The following CCBE1 variants were observed in gnomAD, a reference collection of about 807,000 sequenced individuals.
The protein encoded by CCBE1 is collagen and calcium binding EGF domains 1, also known as collagen and calcium-binding EGF domain-containing protein 1.
In CCBE1, 37 loss-of-function variants were observed where a neutral mutation model predicts 50.0. The ratio of observed to expected loss-of-function variants is 0.74; its 90% CI spans 0.57 to 0.97. The LOEUF is 0.97. CCBE1 is among the 50% of genes least tolerant of loss of function. The pLI, the probability that CCBE1 is intolerant of heterozygous loss-of-function variation, is 0.00. For missense variants in CCBE1, 538 were observed against 523.8 expected (o/e 1.03, Z -0.26); for synonymous variants, 234 against 203.7 (o/e 1.15, Z -1.27).
chr18:59,523,158 C>T (rs1914679316), intron 2 of CCBE1, among the ~76,000 whole-genome samples: 1 of 151,698 alleles, frequency 6.6e-6, no homozygotes, highest in Non-Finnish European at 1.5e-5. Context: ...ATGATGTAAG[C>T]GTGTGTATCC....
At chr18:59,452,495 G>A (rs1290402930) in intron 6 of CCBE1, among the ~76,000 whole-genome samples, 1 of 152,180 alleles carries the variant, frequency 6.6e-6, no homozygotes, top group African/African-American at 2.4e-5. Context: ...CCGGGAGGCT[G>A]AGGCAGAGAA....
chr18:59,548,803 C>T (rs1374179123), intron 2 of CCBE1, among the ~76,000 whole-genome samples: 1 of 151,982 alleles, frequency 6.6e-6, no homozygotes, highest in East Asian at 1.9e-4. Flanking sequence ...GGCTACAAAC[C>T]TGTACATGTG....
chr18:59,543,010 A>G (rs909689449), intron 2 of CCBE1, among the ~76,000 whole-genome samples: 1 of 152,210 alleles, frequency 6.6e-6, no homozygotes, highest in Non-Finnish European at 1.5e-5. Context: ...AAAAATTCTT[A>G]AAAATTTTTA....
intron 2 of CCBE1, 41 bp downstream of exon 2, chr18:59,696,588 G>C (rs1237889986): frequency 2.5e-6 from 4 of 1,611,552 alleles, no homozygotes; most frequent in Non-Finnish European, 2.5e-6. Context: ...AGCCAGCCCC[G>C]GTGCGCAGTG....
At chr18:59,493,121 G>A (rs1913187667) in intron 2 of CCBE1, among the ~76,000 whole-genome samples, 1 of 152,206 alleles carries the variant, frequency 6.6e-6, no homozygotes, top group Non-Finnish European at 1.5e-5. Flanking sequence ...TCAGTCACTT[G>A]AGAAATTAAT....
intron 2 of CCBE1, among the ~76,000 whole-genome samples, chr18:59,674,926 C>G (rs960569099): frequency 6.6e-6 from 1 of 151,852 alleles, no homozygotes; most frequent in African/African-American, 2.4e-5. Flanking sequence ...TAAACAATTC[C>G]TGGGCAAATC....
At chr18:59,446,678 T>C (rs1340619803) in intron 7 of CCBE1, among the ~76,000 whole-genome samples, 8 of 152,220 alleles carry the variant, frequency 5.3e-5, no homozygotes, top group Admixed American at 3.9e-4. Flanking sequence ...TCCTTCCTCC[T>C]TGGGCAAATT....
At chr18:59,629,297 G>A (rs2053824140) in intron 2 of CCBE1, among the ~76,000 whole-genome samples, 1 of 152,084 alleles carries the variant, frequency 6.6e-6, no homozygotes, top group Admixed American at 6.5e-5. Flanking sequence ...TCTCTTTCTG[G>A]TCTTTGCTCA....
At position 59,696,695 on chromosome 18, in the gene CCBE1, T is replaced by A. The variant is rs771851899; in HGVS notation, c.146A>T (p.Glu49Val). The change falls in exon 2 of 11, where the codon GAG (glutamate) becomes GTG (valine). Residue 49 changes from glutamate (E) to valine (V), a missense_variant. By Grantham distance (121) the Glu-to-Val change is moderately radical. Coordinates refer to ENST00000439986, the MANE Select transcript of CCBE1 (RefSeq NM_133459.4). ...PEDGDREICS[E>V]SKIATTKYPC... ...GTATTTAGTCGTCGCGATTTTGCTCTCTGAGCAGATTTCTCTATGAAAAAG... is the reference window on the plus strand; with the variant it reads ...GTATTTAGTCGTCGCGATTTTGCTCACTGAGCAGATTTCTCTATGAAAAAG... 5.0e-6 allele frequency: 8 copies of A among 1,613,986 alleles called. No homozygotes were observed. Among genetic ancestry groups the A allele is most frequent in the Non-Finnish European group, 6.8e-6 (8 of 1,179,890 alleles).
At chr18:59,518,681 G>T (rs11877975) in intron 2 of CCBE1, among the ~76,000 whole-genome samples, 119 of 152,292 alleles carry the variant, frequency 7.8e-4, no homozygotes, top group African/African-American at 2.8e-3. Context: ...GGAGATGCTT[G>T]CAGCAGACAC....
intron 4 of CCBE1, 149 bp from the exon 5 acceptor site, chr18:59,467,040 T>C (rs1476020748): frequency 5.7e-6 from 4 of 700,406 alleles, no homozygotes; most frequent in East Asian, 5.4e-5. Flanking sequence ...AGTAGGGAGC[T>C]AGAAATGTGG....
chr18:59,625,740 G>A (rs2053774934), intron 2 of CCBE1, among the ~76,000 whole-genome samples: 1 of 152,052 alleles, frequency 6.6e-6, no homozygotes, highest in South Asian at 2.1e-4. Flanking sequence ...CTAGGTAACT[G>A]CTATGGTCTG....
chr18:59,503,869 C>T (rs573226874), intron 2 of CCBE1, among the ~76,000 whole-genome samples: 1 of 152,298 alleles, frequency 6.6e-6, no homozygotes, highest in African/African-American at 2.4e-5. Context: ...CCCTCATCTT[C>T]ACACCTTACT....
chr18:59,466,677 G>A (rs1251329463), intron 5 of CCBE1, 62 bp downstream of exon 5: 8 of 1,157,698 alleles, frequency 6.9e-6, no homozygotes, highest in Admixed American at 1.9e-5. Flanking sequence ...CCCCCAAACT[G>A]GTTATATATA....
intron 2 of CCBE1, among the ~76,000 whole-genome samples, chr18:59,630,899 C>CA (rs2053841305): frequency 6.6e-6 from 1 of 152,188 alleles, no homozygotes. Context: ...AGAGATCTAG[C>CA]AATGTGCAAA....
chr18:59,547,067 G>GAGGGGGAGAGAGGGGGAC (rs1915721743), intron 2 of CCBE1, among the ~76,000 whole-genome samples: 1 of 104,180 alleles, frequency 9.6e-6, no homozygotes, highest in Non-Finnish European at 1.9e-5. Context: ...GAGAGGGGGA[G>GAGGGGGAGAGAGGGGGAC]AGAGGGGGAG....
At chr18:59,568,516 G>T (rs1408466402) in intron 2 of CCBE1, 1 of 152,188 alleles carries the variant, frequency 6.6e-6, no homozygotes, top group African/African-American at 2.4e-5. Context: ...AAGGTTTCAA[G>T]AGACTCTCTA....
At chr18:59,644,291 G>T (rs138680877) in intron 2 of CCBE1, among the ~76,000 whole-genome samples, 2,349 of 152,286 alleles carry the variant, frequency 0.015, 34 homozygotes, top group Middle Eastern at 0.058. Flanking sequence ...AGCTCCTGCT[G>T]TGCGGTCCAG....
At chr18:59,682,525 A>G (rs1006362097) in intron 2 of CCBE1, among the ~76,000 whole-genome samples, 6 of 152,224 alleles carry the variant, frequency 3.9e-5, no homozygotes, top group Non-Finnish European at 7.3e-5. Flanking sequence ...CATCTGCTAC[A>G]TTTCCTTAGA....
Sources: gnomAD v4.1 joint callset for allele counts (sites outside exome capture counted in the v4.1 genomes callset) on GRCh38, gnomAD v4.1.1 for gene constraint, MANE v1.5 for transcripts, NCBI Gene and HGNC (gene_info 2026-07-23, HGNC 2026-07-21) for gene names.